FAF1: variants seen among roughly 807,000 people sequenced by gnomAD.
FAF1 encodes FAS-associated factor 1.
In FAF1, 25 loss-of-function variants were observed where a neutral mutation model predicts 92.5. The ratio of observed to expected loss-of-function variants is 0.27; its 90% CI spans 0.20 to 0.38. The LOEUF (loss-of-function observed/expected upper bound fraction) is 0.38, where lower values mean the gene tolerates loss of function less well. Among genes scored for constraint, FAF1 ranks in the 10% least tolerant of loss-of-function variants. FAF1 has a pLI of 1.00. For missense variants in FAF1, 636 were observed against 793.3 expected (o/e 0.80, Z 2.38); for synonymous variants, 234 against 273.2 (o/e 0.86, Z 1.42).
At chr1:50,805,603 T>C (rs530534800) in intron 2 of FAF1, among the ~76,000 whole-genome samples, 3 of 152,290 alleles carry the variant, frequency 2.0e-5, no homozygotes, top group African/African-American at 4.8e-5. Context: ...CACTGGTAAA[T>C]TGGTAGATTA....
chr1:50,689,509 G>C (rs1316774933), intron 7 of FAF1, among the ~76,000 whole-genome samples: 1 of 152,162 alleles, frequency 6.6e-6, no homozygotes, highest in East Asian at 1.9e-4. Flanking sequence ...CCGTGGACCC[G>C]GGAGGCAGAG....
intron 6 of FAF1, among the ~76,000 whole-genome samples, chr1:50,722,911 GA>G (rs1372026235): frequency 6.6e-6 from 1 of 152,266 alleles, no homozygotes; most frequent in East Asian, 1.9e-4. Flanking sequence ...AAATAGGACT[GA>G]ATTGGCTGAT....
chr1:50,824,415 T>A (rs1430852669), intron 2 of FAF1, among the ~76,000 whole-genome samples: 1 of 152,138 alleles, frequency 6.6e-6, no homozygotes, highest in Admixed American at 6.5e-5. Context: ...TATAATAATG[T>A]TAATCCTTTT....
chr1:50,596,780 A>G (rs1368193528), intron 8 of FAF1, among the ~76,000 whole-genome samples: 2 of 152,220 alleles, frequency 1.3e-5, no homozygotes, highest in Non-Finnish European at 2.9e-5. Flanking sequence ...TTAGCCTTAA[A>G]TAACCTGAGT....
At chr1:50,836,587 C>T (rs540424511) in intron 2 of FAF1, among the ~76,000 whole-genome samples, 1 of 152,206 alleles carries the variant, frequency 6.6e-6, no homozygotes, top group African/African-American at 2.4e-5. Flanking sequence ...GTACAATGAA[C>T]ATCAATGTAC....
At chr1:50,528,751 C>G (rs1300056927) in intron 15 of FAF1, among the ~76,000 whole-genome samples, 1 of 152,024 alleles carries the variant, frequency 6.6e-6, no homozygotes. Context: ...GCCTCTTCTG[C>G]CTCCTCTTTC....
intron 4 of FAF1, among the ~76,000 whole-genome samples, chr1:50,779,991 G>GAC (rs57528056): frequency 0.11 from 15,399 of 145,426 alleles, 820 homozygotes; most frequent in East Asian, 0.16. Context: ...CAGACAGACA[G>GAC]ACACACACAC....
intron 1 of FAF1, among the ~76,000 whole-genome samples, chr1:50,902,578 C>T (rs1258638630): frequency 6.6e-6 from 1 of 152,102 alleles, no homozygotes; most frequent in Non-Finnish European, 1.5e-5. Flanking sequence ...TATTCAAAGT[C>T]ACACAAACTA....
At chr1:50,950,012 AT>A (rs1297369412) in intron 1 of FAF1, among the ~76,000 whole-genome samples, 1 of 151,108 alleles carries the variant, frequency 6.6e-6, no homozygotes, top group Non-Finnish European at 1.5e-5. Flanking sequence ...AAAAAAATTT[AT>A]TTTTTTTTGT....
At chr1:50,728,705 C>T (rs1658766510) in intron 6 of FAF1, among the ~76,000 whole-genome samples, 1 of 151,350 alleles carries the variant, frequency 6.6e-6, no homozygotes. Context: ...GCAGGAAAAT[C>T]GCTTGAACCC....
intron 7 of FAF1, among the ~76,000 whole-genome samples, chr1:50,660,760 G>C (rs1206525232): frequency 6.6e-6 from 1 of 152,066 alleles, no homozygotes; most frequent in African/African-American, 2.4e-5. Context: ...CCAAAGTGCT[G>C]GAATTACAGG....
chr1:50,757,887 T>A (rs1329216456), intron 4 of FAF1, among the ~76,000 whole-genome samples: 1 of 152,190 alleles, frequency 6.6e-6, no homozygotes, highest in African/African-American at 2.4e-5. Flanking sequence ...CCATTATGTG[T>A]ATTCACGGTT....
chr1:50,802,102 T>A (rs1391654853), intron 2 of FAF1, among the ~76,000 whole-genome samples: 2 of 152,150 alleles, frequency 1.3e-5, no homozygotes, highest in Admixed American at 1.3e-4. Flanking sequence ...ATTCTTTTTT[T>A]TTTTTGAGAT....
intron 6 of FAF1, among the ~76,000 whole-genome samples, chr1:50,721,258 G>A (rs1346143326): frequency 6.6e-6 from 1 of 151,688 alleles, no homozygotes; most frequent in Non-Finnish European, 1.5e-5. Flanking sequence ...AGTGAGACGA[G>A]TCTCACTCTT....
At chr1:50,890,014 G>T (rs1272808619) in intron 1 of FAF1, among the ~76,000 whole-genome samples, 3 of 152,132 alleles carry the variant, frequency 2.0e-5, no homozygotes, top group African/African-American at 7.2e-5. Context: ...CTCTTTGTAG[G>T]TCTCTAAGGA....
chr1:50,615,780 G>A (rs1557436730), intron 8 of FAF1, among the ~76,000 whole-genome samples: 1 of 152,024 alleles, frequency 6.6e-6, no homozygotes, highest in Non-Finnish European at 1.5e-5. Context: ...TGTAGAGTTT[G>A]AAAGTATTTT....
intron 7 of FAF1, among the ~76,000 whole-genome samples, chr1:50,677,979 A>T (rs1347568460): frequency 6.6e-6 from 1 of 152,202 alleles, no homozygotes; most frequent in East Asian, 1.9e-4. Context: ...CTATTTACAA[A>T]AATGGTGAGT....
intron 7 of FAF1, among the ~76,000 whole-genome samples, chr1:50,656,034 T>C (rs546069456): frequency 6.6e-6 from 1 of 152,158 alleles, no homozygotes; most frequent in Admixed American, 6.5e-5. Context: ...AGAAACTTAT[T>C]ATTAAAGTAG....
chr1:50,666,420 T>A (rs1655636458), intron 7 of FAF1, among the ~76,000 whole-genome samples: 1 of 151,976 alleles, frequency 6.6e-6, no homozygotes, highest in African/African-American at 2.4e-5. Flanking sequence ...TTGCCCAGGC[T>A]GGTCTCAAAC....
Sources: allele counts gnomAD v4.1 joint callset (sites outside exome capture counted in the v4.1 genomes callset), GRCh38; gene constraint gnomAD v4.1.1; transcripts MANE v1.5; gene names NCBI Gene and HGNC (gene_info 2026-07-23, HGNC 2026-07-21).